Variants in FAXC observed in about 807,000 individuals in gnomAD.
FAXC encodes the protein failed axon connections homolog, metaxin like GST domain containing, also known as failed axon connections homolog.
In FAXC, 10 loss-of-function variants were observed where a neutral mutation model predicts 41.9. The ratio of observed to expected loss-of-function variants is 0.24; its 90% CI spans 0.15 to 0.41. The LOEUF (loss-of-function observed/expected upper bound fraction) is 0.41. Ranked by LOEUF, FAXC falls within the 10% of genes least tolerant of loss-of-function variation. The pLI is 1.00. For missense variants in FAXC, 399 were observed against 510.9 expected, an observed-to-expected ratio of 0.78 and a Z score of 2.11; for synonymous variants, 183 against 183.8, an observed-to-expected ratio of 1.00 and a Z score of 0.03.
intron 4 of FAXC, among the ~76,000 whole-genome samples, chr6:99,293,706 G>A (rs867416800): frequency 9.8e-6 from 1 of 102,192 alleles, no homozygotes; most frequent in African/African-American, 3.4e-5. Flanking sequence ...GTGTGTGTGT[G>A]TGTGTGTCTG....
At chr6:99,348,030 C>T (rs1353714455) in intron 1 of FAXC, among the ~76,000 whole-genome samples, 1 of 152,158 alleles carries the variant, frequency 6.6e-6, no homozygotes, top group South Asian at 2.1e-4. Flanking sequence ...AAAATATGTA[C>T]GTTAGGCCAA....
intron 4 of FAXC, among the ~76,000 whole-genome samples, chr6:99,293,156 C>T (rs1048251758): frequency 2.0e-5 from 3 of 152,164 alleles, no homozygotes; most frequent in Non-Finnish European, 4.4e-5. Context: ...CCTTCCATGG[C>T]TTTTGAAATG....
Position 99,309,805 on chromosome 6 carries a change from G to A in FAXC, c.823+13639C>T, listed in dbSNP as rs367973947. 109 of 554,680 alleles carry A rather than the reference G, an allele frequency of 2.0e-4. No homozygotes were observed. In the Middle Eastern group the frequency reaches 7.4e-3, roughly 38 times the overall value. 34.4% of individuals were successfully genotyped at this position (554,680 alleles called of 1,614,324 possible). A position where few individuals can be genotyped will look rare whatever the true frequency, so the allele number is the denominator to read the frequency against. On this transcript the variant is annotated intron_variant, in intron 4 of 5. Coordinates refer to ENST00000389677, the MANE Select transcript of FAXC (RefSeq NM_032511.4). ...CTTCAATGGATGAGCACAGGACTCC[G>A]GTATGAACTTGTAAGAGGGTGAGGT...
In FAXC at chr6:99,281,261, C is replaced by T. The variant is rs1170031096; in HGVS notation, c.1133G>A (p.Ser378Asn). 1.2e-6 allele frequency: 2 copies of T among 1,614,010 alleles called. No homozygotes were observed. The highest frequency in any genetic ancestry group is 1.7e-6 in the Non-Finnish European group (2 of 1,179,988). Reference protein sequence around the residue: ...ETFEDEGAENSFSRTPDTDFT... With the variant: ...ETFEDEGAENNFSRTPDTDFT... ...ATCTGTGTCTGGGGTTCTGGAAAAACTGTTTTCTGCTCCCTCATCTTCAAA... is the reference window on the plus strand; with the variant it reads ...ATCTGTGTCTGGGGTTCTGGAAAAATTGTTTTCTGCTCCCTCATCTTCAAA... The change falls in exon 6 of 6, where the codon AGT becomes AAT. Residue 378 changes from serine to asparagine, a missense_variant. By Grantham distance (46) the Ser-to-Asn change is conservative. Around this residue, in one of 3 missense-constraint regions of FAXC, gnomAD observed 92 missense variants for 94.9 expected, o/e 0.97. Coordinates refer to ENST00000389677, the MANE Select transcript of FAXC (RefSeq NM_032511.4).
chr6:99,327,078 T>C (rs1331318450), intron 3 of FAXC, among the ~76,000 whole-genome samples: 1 of 152,176 alleles, frequency 6.6e-6, no homozygotes, highest in African/African-American at 2.4e-5. Context: ...CCTCAGAAAC[T>C]GTTTGGTCTC....
At chr6:99,338,918 C>T (rs765966908) in intron 2 of FAXC, among the ~76,000 whole-genome samples, 7 of 152,294 alleles carry the variant, frequency 4.6e-5, no homozygotes, top group Admixed American at 3.3e-4. Flanking sequence ...TGTTCCCAAA[C>T]ATCCCATGTC....
At chr6:99,326,296 G>A (rs1490210939) in intron 3 of FAXC, among the ~76,000 whole-genome samples, 1 of 152,166 alleles carries the variant, frequency 6.6e-6, no homozygotes, top group Non-Finnish European at 1.5e-5. Context: ...CACTGGGTGA[G>A]GCAAAGGCAG....
At chr6:99,335,732 G>A (rs1773193814) in intron 2 of FAXC, among the ~76,000 whole-genome samples, 1 of 152,180 alleles carries the variant, frequency 6.6e-6, no homozygotes, top group South Asian at 2.1e-4. Flanking sequence ...TGGCCTTCCT[G>A]AGAGATCTTT....
rs1460896107 is a variant in FAXC at position 99,280,017 on chromosome 6, A to G, written c.*1147T>C. 1 of 152,218 alleles carries G rather than the reference A, an allele frequency of 6.6e-6. No individual in the cohort carries two copies. The highest frequency in any genetic ancestry group is 2.4e-5 in the African/African-American group (1 of 41,446). The allele number at this position is 152,218 out of a possible 1,614,324, so 9.4% of individuals were successfully genotyped here. On this transcript the variant is annotated 3_prime_UTR_variant, in exon 6 of 6. Transcript: ENST00000389677. ...TTCTGCTTATAAAAATCAATGAAAT[A>G]CTTTCCCTTCAACTCTATGAAACCT... is the stretch of plus-strand genomic sequence containing the variant.
chr6:99,346,286 G>T (rs1442270145), intron 1 of FAXC, among the ~76,000 whole-genome samples: 2 of 152,090 alleles, frequency 1.3e-5, no homozygotes, highest in African/African-American at 2.4e-5. Context: ...TCTTCCCCTA[G>T]ACGCTGCAAG....
At chr6:99,281,587 T>C in intron 5 of FAXC, 134 bp from the exon 6 acceptor site, 1 of 721,448 alleles carries the variant, frequency 1.4e-6, no homozygotes, top group South Asian at 1.8e-5. Context: ...GTGGGGCCTT[T>C]AAGAGGTGGT....
Position 99,281,168 on chromosome 6 carries a change from T to C in FAXC, c.1226A>G (p.Lys409Arg). ...GAGGGTCAGTGAGGCTGGACGTCAC[T>C]TGCACTGTTCGTGGTCTGTATAGTC... ...MDDYTDHEQC[K>R] The change falls in exon 6 of 6, where the codon AAG becomes AGG. Residue 409 changes from lysine to arginine, a missense_variant. Lys to Arg is a conservative substitution (Grantham distance 26). Transcript: ENST00000389677. The C allele has an allele frequency of 7.3e-7, 1 of 1,374,690 alleles. No homozygotes were observed. Among genetic ancestry groups the C allele is most frequent in the Non-Finnish European group, 1.0e-6 (1 of 961,678 alleles). 85.2% of individuals were successfully genotyped at this position (1,374,690 alleles called of 1,614,324 possible). A position where few individuals can be genotyped will look rare whatever the true frequency, so the allele number is the denominator to read the frequency against.
chr6:99,287,821 T>C (rs1771081511), intron 5 of FAXC, among the ~76,000 whole-genome samples: 2 of 151,796 alleles, frequency 1.3e-5, no homozygotes, highest in South Asian at 4.2e-4. Context: ...ATTACAGCAG[T>C]AGTAGTTTGG....
chr6:99,311,900 T>C (rs755681540), intron 4 of FAXC, among the ~76,000 whole-genome samples: 4 of 152,208 alleles, frequency 2.6e-5, no homozygotes, highest in Non-Finnish European at 4.4e-5. Flanking sequence ...ACTAAGTCAT[T>C]AGCCACTTTT....
intron 5 of FAXC, among the ~76,000 whole-genome samples, chr6:99,288,999 A>G (rs566244835): frequency 4.1e-4 from 62 of 151,970 alleles, no homozygotes; most frequent in Non-Finnish European, 6.3e-4. Context: ...CCATCCATCC[A>G]TTCACCCATC....
At chr6:99,293,939 G>A (rs559994676) in intron 4 of FAXC, among the ~76,000 whole-genome samples, 1 of 152,124 alleles carries the variant, frequency 6.6e-6, no homozygotes, top group Non-Finnish European at 1.5e-5. Flanking sequence ...AGGAAAGACA[G>A]GAGGGGGAAA....
At position 99,349,349 on chromosome 6, in the gene FAXC, A is replaced by C. The variant is rs750399612; in HGVS notation, c.24T>G (p.Ala8=). The C allele has an allele frequency of 1.2e-6, 2 of 1,612,378 alleles. No homozygotes were observed. The highest frequency in any genetic ancestry group is 2.2e-5 in the South Asian group (2 of 91,088). The change falls in exon 1 of 6, where the codon GCT becomes GCG. Residue 8 remains alanine (A), a synonymous_variant. Coordinates refer to ENST00000389677, the MANE Select transcript of FAXC (RefSeq NM_032511.4). ...GATCCACCACGCACGGCCTGGACGA[A>C]GCAAAGCCAACCCCCCAGTGCATGC... is the stretch of plus-strand genomic sequence containing the variant. The part of the protein sequence containing the change: MHWGVGF[A]SSRPCVVDLS...
chr6:99,319,714 TA>T (rs1239598701), intron 4 of FAXC, among the ~76,000 whole-genome samples: 1 of 152,178 alleles, frequency 6.6e-6, no homozygotes, highest in Admixed American at 6.5e-5. Context: ...CTCCATTTTC[TA>T]AAAAAATGTT....
chr6:99,299,152 A>G (rs528085464), intron 4 of FAXC, among the ~76,000 whole-genome samples: 4 of 152,298 alleles, frequency 2.6e-5, no homozygotes, highest in African/African-American at 9.6e-5. Flanking sequence ...AAAACTGATC[A>G]CCTGTTTTCA....
Sources: gnomAD v4.1 joint callset for allele counts (sites outside exome capture counted in the v4.1 genomes callset) on GRCh38, gnomAD v4.1.1 for gene constraint, gnomAD v4.1.1 regional missense constraint, MANE v1.5 for transcripts, NCBI Gene and HGNC (gene_info 2026-07-23, HGNC 2026-07-21) for gene names.